CDYL: variants seen among roughly 807,000 people sequenced by gnomAD.
The protein encoded by CDYL is chromodomain Y like.
In CDYL, 8 loss-of-function variants were observed where a neutral mutation model predicts 47.3. The ratio of observed to expected loss-of-function variants is 0.17; its 90% confidence interval spans 0.10 to 0.31. CDYL has a LOEUF of 0.31. CDYL is among the 10% of genes least tolerant of loss of function. CDYL has a pLI of 1.00. For missense variants in CDYL, 471 were observed against 701.4 expected, an observed-to-expected ratio of 0.67 and a Z score of 3.71; for synonymous variants, 266 against 265.0, an observed-to-expected ratio of 1.00 and a Z score of -0.04.
intron 2 of CDYL, among the ~76,000 whole-genome samples, chr6:4,717,695 G>A (rs1308566580): frequency 1.6e-4 from 2 of 12,712 alleles, no homozygotes; most frequent in African/African-American, 3.4e-4. Flanking sequence ...ACAGAACAAA[G>A]ACCCTCACAA....
chr6:4,710,349 A>AAGGG (rs1203811220), intron 1 of CDYL, among the ~76,000 whole-genome samples: 12 of 77,452 alleles, frequency 1.5e-4, no homozygotes, highest in South Asian at 1.2e-3. Flanking sequence ...GGGAGGGAGA[A>AAGGG]AGGGAGGGAG....
intron 6 of CDYL, 97 bp from the exon 7 acceptor site, chr6:4,953,801 C>A: frequency 8.5e-7 from 1 of 1,174,784 alleles, no homozygotes; most frequent in Non-Finnish European, 1.2e-6. Context: ...CAGGTGATTG[C>A]TGGAATTTGA....
At chr6:4,776,888 T>TCGCCGCCCGCGCC (rs1234548583) in intron 1 of CDYL, 81 bp downstream of exon 1, 8 of 542,752 alleles carry the variant, frequency 1.5e-5, no homozygotes, top group East Asian at 3.5e-4. Context: ...ACGGCCCCGC[T>TCGCCGCCCGCGCC]CGCCGCCCGC....
At chr6:4,744,239 T>C (rs1438277425) in intron 3 of CDYL, among the ~76,000 whole-genome samples, 1 of 152,176 alleles carries the variant, frequency 6.6e-6, no homozygotes, top group Non-Finnish European at 1.5e-5. Flanking sequence ...CACACTGCAA[T>C]CCCAGCACTC....
intron 3 of CDYL, among the ~76,000 whole-genome samples, chr6:4,749,585 C>CT (rs1757956421): frequency 1.3e-5 from 2 of 152,202 alleles, no homozygotes; most frequent in Non-Finnish European, 2.9e-5. Flanking sequence ...TGTTTTCTGA[C>CT]TTTAAGAGGT....
chr6:4,737,854 G>A (rs542976391), intron 3 of CDYL, among the ~76,000 whole-genome samples: 33 of 151,890 alleles, frequency 2.2e-4, no homozygotes, highest in African/African-American at 8.0e-4. Flanking sequence ...GACCCAAAAC[G>A]GACAAATGTT....
chr6:4,803,323 C>T (rs1190231338), intron 1 of CDYL, among the ~76,000 whole-genome samples: 1 of 152,212 alleles, frequency 6.6e-6, no homozygotes, highest in Non-Finnish European at 1.5e-5. Flanking sequence ...CCTGGTCCTG[C>T]AGCTTTTGCC....
At chr6:4,715,615 C>G (rs1757241224) in intron 1 of CDYL, 1 of 878,910 alleles carries the variant, frequency 1.1e-6, no homozygotes, top group South Asian at 2.2e-5. Flanking sequence ...TTCCTCTGCA[C>G]AAGCACAAAA....
rs578113899 is a variant in CDYL at position 4,743,870 on chromosome 6, T to C, written c.186+9026T>C. ...AGAAACACAATTTGCTTATTAATTA[T>C]AACAGTTCCTAGTAATAACTTGTAC... On this transcript the variant is annotated intron_variant, in intron 3 of 8. Coordinates refer to the CDYL transcript ENST00000328908. Among the ~76,000 whole-genome samples, 7 of 152,378 alleles carry C rather than the reference T, an allele frequency of 4.6e-5. No homozygotes were observed. The South Asian group carries it at 6.2e-4, about 14-fold the overall frequency.
chr6:4,896,754 T>G (rs1428885810), intron 2 of CDYL, among the ~76,000 whole-genome samples: 2 of 152,206 alleles, frequency 1.3e-5, no homozygotes, highest in East Asian at 3.8e-4. Flanking sequence ...AAGAAACTGA[T>G]TTGTTTTTCT....
intron 1 of CDYL, among the ~76,000 whole-genome samples, chr6:4,707,867 T>C (rs1757074662): frequency 6.6e-6 from 1 of 152,200 alleles, no homozygotes; most frequent in South Asian, 2.1e-4. Context: ...CTGCTTTAGA[T>C]GTGTACAAAT....
intron 1 of CDYL, among the ~76,000 whole-genome samples, chr6:4,792,361 T>G (rs574954889): frequency 6.6e-6 from 1 of 152,066 alleles, no homozygotes; most frequent in Non-Finnish European, 1.5e-5. Context: ...TTAAAATCAA[T>G]AATACATTTA....
chr6:4,944,858 G>C (rs551107228), intron 5 of CDYL, among the ~76,000 whole-genome samples: 52 of 152,342 alleles, frequency 3.4e-4, no homozygotes, highest in African/African-American at 1.1e-3. Context: ...CGAGTGGTCA[G>C]AGTTCACAGA....
chr6:4,915,497 G>A (rs138101404), intron 2 of CDYL, among the ~76,000 whole-genome samples: 118 of 152,154 alleles, frequency 7.8e-4, no homozygotes, highest in African/African-American at 2.8e-3. Flanking sequence ...GGGGGATGGG[G>A]GCAGACACAC....
chr6:4,764,852 A>AAC lies in CDYL; in HGVS notation c.186+30018_186+30019dup, dbSNP rs1758227883. On this transcript the variant is annotated intron_variant, in intron 3 of 8. Coordinates refer to the CDYL transcript ENST00000328908. ...TAAACAGTAAAATACAGCAAAATTA[A>AAC]ACACACACACATATATATAATAGAG... 3.4e-5 allele frequency among the ~76,000 whole-genome samples: 5 copies of AAC among 145,266 alleles called. No homozygotes were observed. The South Asian group carries it at 9.1e-4, about 26-fold the overall frequency.
At chr6:4,862,654 C>A (rs1435208640) in intron 1 of CDYL, among the ~76,000 whole-genome samples, 1 of 152,186 alleles carries the variant, frequency 6.6e-6, no homozygotes, top group Non-Finnish European at 1.5e-5. Context: ...AACATTTTCA[C>A]ATAAAACACT....
At chr6:4,875,601 C>T (rs182592907) in intron 1 of CDYL, among the ~76,000 whole-genome samples, 2 of 152,164 alleles carry the variant, frequency 1.3e-5, no homozygotes, top group African/African-American at 2.4e-5. Context: ...TATAAACATA[C>T]ATTTGATTTA....
At chr6:4,801,588 T>G (rs919464789) in intron 1 of CDYL, among the ~76,000 whole-genome samples, 1 of 152,208 alleles carries the variant, frequency 6.6e-6, no homozygotes, top group African/African-American at 2.4e-5. Context: ...TCTCCTCTGC[T>G]CTTAGGTCTT....
intron 1 of CDYL, among the ~76,000 whole-genome samples, chr6:4,819,158 C>G (rs1402971913): frequency 0.012 from 1,497 of 128,954 alleles, 43 homozygotes; most frequent in African/African-American, 0.059. Context: ...CTCTCTCTCT[C>G]TCTCTGTGTG....
Sources: allele counts gnomAD v4.1 joint callset (sites outside exome capture counted in the v4.1 genomes callset), GRCh38; gene constraint gnomAD v4.1.1; transcripts MANE v1.5; gene names NCBI Gene and HGNC (gene_info 2026-07-23, HGNC 2026-07-21).